The following GAREM1 variants were observed in gnomAD, a reference collection of about 807,000 sequenced individuals.
GAREM1 encodes the protein GRB2-associated and regulator of MAPK protein 1.
Under a neutral mutation model 71.3 loss-of-function variants are expected in GAREM1, and 26 were observed. That is an observed-to-expected ratio of 0.36 (90% CI 0.27 to 0.51). The LOEUF (loss-of-function observed/expected upper bound fraction) is 0.51. Among genes scored for constraint, GAREM1 ranks in the 20% least tolerant of loss-of-function variants. The probability of loss-of-function intolerance (pLI) is 0.95; values close to 1 mark genes in which losing one functional copy is unlikely to be tolerated. For synonymous variants in GAREM1, 440 were observed against 433.2 expected (o/e 1.02, Z -0.20); for missense variants, 1,026 against 1,103.1 (o/e 0.93, Z 0.99).
At chr18:32,439,695 TGG>T (rs1476724553) in intron 1 of GAREM1, among the ~76,000 whole-genome samples, 1 of 152,018 alleles carries the variant, frequency 6.6e-6, no homozygotes, top group Admixed American at 6.6e-5. Context: ...GGGTTATTTC[TGG>T]TAAGAATACG....
intron 2 of GAREM1, among the ~76,000 whole-genome samples, chr18:32,373,039 A>T (rs1380567190): frequency 6.6e-6 from 1 of 152,196 alleles, no homozygotes; most frequent in African/African-American, 2.4e-5. Context: ...ATGTTTGACA[A>T]TGCTTTTCTG....
intron 1 of GAREM1, among the ~76,000 whole-genome samples, chr18:32,398,897 C>A (rs74978114): frequency 0.034 from 5,108 of 152,242 alleles, 135 homozygotes; most frequent in East Asian, 0.11. Flanking sequence ...TCCTGATGAA[C>A]ATTGATGCAA....
At chr18:32,365,064 A>C (rs1435174504) in intron 2 of GAREM1, among the ~76,000 whole-genome samples, 1 of 152,212 alleles carries the variant, frequency 6.6e-6, no homozygotes, top group East Asian at 1.9e-4. Flanking sequence ...GCCCTTAGCC[A>C]TCTACAGAAT....
intron 2 of GAREM1, among the ~76,000 whole-genome samples, chr18:32,370,245 T>C (rs1306965285): frequency 2.0e-5 from 3 of 151,904 alleles, no homozygotes; most frequent in South Asian, 2.1e-4. Flanking sequence ...CTGGCCAACA[T>C]AGTGAAACCC....
intron 2 of GAREM1, among the ~76,000 whole-genome samples, chr18:32,383,820 G>GT (rs200321737): frequency 1.5e-4 from 22 of 151,330 alleles, no homozygotes; most frequent in Admixed American, 2.0e-4. Flanking sequence ...ATTTTTGTGG[G>GT]TTTTTTTTTA....
chr18:32,446,242 G>A (rs942531104), intron 1 of GAREM1, among the ~76,000 whole-genome samples: 2 of 148,978 alleles, frequency 1.3e-5, no homozygotes, highest in African/African-American at 2.5e-5. Flanking sequence ...GTGTGTGTGT[G>A]TGTGTGTGTG....
chr18:32,342,378 A>G (rs1156337089), intron 2 of GAREM1, among the ~76,000 whole-genome samples: 1 of 152,132 alleles, frequency 6.6e-6, no homozygotes, highest in African/African-American at 2.4e-5. Flanking sequence ...TCACTTGATC[A>G]TGTCATTCCC....
At chr18:32,422,261 T>C (rs1283622071) in intron 1 of GAREM1, among the ~76,000 whole-genome samples, 2 of 152,094 alleles carry the variant, frequency 1.3e-5, no homozygotes, top group African/African-American at 2.4e-5. Flanking sequence ...GTCCTTGCCA[T>C]AGTTTGCTGA....
intron 2 of GAREM1, among the ~76,000 whole-genome samples, chr18:32,329,983 T>C (rs531689845): frequency 1.1e-4 from 17 of 151,994 alleles, no homozygotes; most frequent in African/African-American, 3.6e-4. Flanking sequence ...GGAGATCATA[T>C]AAACACACAA....
intron 3 of GAREM1, among the ~76,000 whole-genome samples, chr18:32,291,349 AAGGAAAAAC>A (rs142354924): frequency 0.063 from 9,490 of 150,638 alleles, 642 homozygotes; most frequent in African/African-American, 0.16. Flanking sequence ...AAACATGCAC[AAGGAAAAAC>A]AGAAAACAAT....
At chr18:32,311,156 A>C (rs950130915) in intron 2 of GAREM1, among the ~76,000 whole-genome samples, 20 of 152,354 alleles carry the variant, frequency 1.3e-4, no homozygotes, top group Middle Eastern at 3.4e-3. Flanking sequence ...TGACCCTGCT[A>C]CAACATTTGA....
chr18:32,293,241 G>A (rs2047105061), intron 3 of GAREM1, among the ~76,000 whole-genome samples: 1 of 152,038 alleles, frequency 6.6e-6, no homozygotes, highest in Non-Finnish European at 1.5e-5. Flanking sequence ...CCACTGAGAG[G>A]AACCAGGGCT....
intron 2 of GAREM1, among the ~76,000 whole-genome samples, chr18:32,314,236 T>C (rs1400452282): frequency 2.0e-5 from 3 of 152,194 alleles, no homozygotes; most frequent in African/African-American, 7.2e-5. Flanking sequence ...TTTTATACCG[T>C]GCCCTTGCCC....
At chr18:32,305,513 T>C (rs1464426759) in intron 3 of GAREM1, among the ~76,000 whole-genome samples, 1 of 152,086 alleles carries the variant, frequency 6.6e-6, no homozygotes, top group African/African-American at 2.4e-5. Context: ...CCAGTAGGGA[T>C]TCTTCTTTTT....
In GAREM1 at chr18:32,282,039, C is replaced by T. The variant is rs182486902; in HGVS notation, c.1566+4992G>A. On this transcript the variant is annotated intron_variant, in intron 4 of 5. Transcript: ENST00000269209. ...GCACCTTGCGACCCCCACTCCTGCC[C>T]GCCAGAGGACAACCCCCTTTTCCAT... 4.6e-5 allele frequency among the ~76,000 whole-genome samples: 7 copies of T among 152,200 alleles called. No individual in the cohort carries two copies. The East Asian group carries it at 5.8e-4, about 13-fold the overall frequency.
At chr18:32,463,736 A>AT (rs1265747324) in intron 1 of GAREM1, among the ~76,000 whole-genome samples, 3 of 151,600 alleles carry the variant, frequency 2.0e-5, no homozygotes, top group Admixed American at 6.6e-5. Context: ...CACCCAGCTA[A>AT]TTTTTTGTAG....
chr18:32,459,107 A>G (rs1233584891), intron 1 of GAREM1, among the ~76,000 whole-genome samples: 2 of 152,148 alleles, frequency 1.3e-5, no homozygotes, highest in African/African-American at 4.8e-5. Flanking sequence ...ATGAAGGAAA[A>G]GGCTCAAGAT....
At chr18:32,379,460 CGG>C (rs5823843) in intron 2 of GAREM1, among the ~76,000 whole-genome samples, 2 of 66,860 alleles carry the variant, frequency 3.0e-5, no homozygotes, top group African/African-American at 1.0e-4. Flanking sequence ...TTTGGGAGGC[CGG>C]GGGGGGTGGG....
chr18:32,377,659 G>A (rs1311160278), intron 2 of GAREM1, among the ~76,000 whole-genome samples: 1 of 152,188 alleles, frequency 6.6e-6, no homozygotes, highest in East Asian at 1.9e-4. Context: ...TGCCTCCCAG[G>A]TTCGAGCAAT....
Sources: gnomAD v4.1 joint callset for allele counts (sites outside exome capture counted in the v4.1 genomes callset) on GRCh38, gnomAD v4.1.1 for gene constraint, MANE v1.5 for transcripts, NCBI Gene and HGNC (gene_info 2026-07-23, HGNC 2026-07-21) for gene names.